The following MTFR1 variants were observed in gnomAD, a reference collection of about 807,000 sequenced individuals.
MTFR1 encodes the protein chondrocyte protein with a poly-proline region.
Under a neutral mutation model 38.8 loss-of-function variants are expected in MTFR1, and 28 were observed. The ratio of observed to expected loss-of-function variants is 0.72; its 90% CI spans 0.53 to 0.99. The LOEUF (loss-of-function observed/expected upper bound fraction) is 0.99. Among genes scored for constraint, MTFR1 ranks in the 50% least tolerant of loss-of-function variants. The pLI, the probability that MTFR1 is intolerant of heterozygous loss-of-function variation, is 0.00. For missense variants in MTFR1, 358 were observed against 395.5 expected, an observed-to-expected ratio of 0.91 and a Z score of 0.81; for synonymous variants, 145 against 137.0, an observed-to-expected ratio of 1.06 and a Z score of -0.41.
chr8:65,690,539 A>G (rs1805244045), intron 3 of MTFR1, among the ~76,000 whole-genome samples: 1 of 151,746 alleles, frequency 6.6e-6, no homozygotes, highest in Non-Finnish European at 1.5e-5. Flanking sequence ...CAACAACAAC[A>G]AAAAAGAAAA....
chr8:65,655,493 A>G (rs1466582131), intron 1 of MTFR1, among the ~76,000 whole-genome samples: 1 of 152,206 alleles, frequency 6.6e-6, no homozygotes, highest in African/African-American at 2.4e-5. Context: ...CATGAGCCAT[A>G]TGGAATATTA....
chr8:65,651,642 C>T (rs1049855020), intron 1 of MTFR1, among the ~76,000 whole-genome samples: 1 of 152,036 alleles, frequency 6.6e-6, no homozygotes, highest in Non-Finnish European at 1.5e-5. Context: ...GTTCTCTACT[C>T]TGTTCCATTG....
chr8:65,709,008 A>G lies in MTFR1; in HGVS notation c.966A>G (p.Lys322=). The G allele has an allele frequency of 1.2e-6, 2 of 1,614,014 alleles. No homozygotes were observed. The highest frequency in any genetic ancestry group is 1.7e-6 in the Non-Finnish European group (2 of 1,179,898). The change falls in exon 8 of 8, where the codon AAA becomes AAG. Residue 322 remains lysine, a synonymous_variant. Transcript: ENST00000262146. ...FGPHMLKPTG[K]MKALIENVSD... is the part of the protein sequence containing the mutation. ...CACACATGTTGAAGCCAACAGGAAA[A>G]ATGAAGGCTTTAATTGAAAATGTAT... is the stretch of plus-strand genomic sequence containing the variant.
chr8:65,745,391 C>A, intron 3 of MTFR1: 1 of 1,452,230 alleles, frequency 6.9e-7, no homozygotes, highest in South Asian at 1.1e-5. Flanking sequence ...TTGAGCAAGT[C>A]AAATTCTTCA....
In MTFR1 at chr8:65,703,419, G is replaced by GTTTTTTTTTTTTT. The variant is rs553260839; in HGVS notation, c.282-1255_282-1243dup. Among the ~76,000 whole-genome samples the GTTTTTTTTTTTTT allele has an allele frequency of 1.6e-4, 8 of 50,954 alleles. 1 individual carries two copies. The highest frequency in any genetic ancestry group is 3.0e-4 in the Admixed American group (1 of 3,300). The allele number at this position is 50,954 out of a possible 152,430, so 33.4% of individuals were successfully genotyped here. On this transcript the variant is annotated intron_variant, in intron 4 of 7. Transcript: ENST00000262146. ...GGTACATCCATGCTTGATGTCTCTGGTTTTTTTTTTTTTTTTTTTTTTTTT... is the reference window on the plus strand; with the variant it reads ...GGTACATCCATGCTTGATGTCTCTGGTTTTTTTTTTTTTTTTTTTTTTTTTTTTTTTTTTTTTT...
At position 65,744,695 on chromosome 8, in the gene MTFR1, C is replaced by T. The variant is rs553363812; in HGVS notation, c.*48+25214C>T. Among the ~76,000 whole-genome samples, 11 of 152,110 alleles carry T rather than the reference C, an allele frequency of 7.2e-5. 1 individual carries two copies. Among genetic ancestry groups the T allele is most frequent in the African/African-American group, 2.7e-4 (11 of 41,484 alleles). On this transcript the variant is annotated intron_variant, in intron 3 of 3. Coordinates refer to the MTFR1 transcript ENST00000521247. ...CATCAGATGTGATTATAAATGGCCA[C>T]AATCTAAAAGAAACCAAAAAATAAA...
chr8:65,653,936 G>T (rs967404983), intron 1 of MTFR1, among the ~76,000 whole-genome samples: 1 of 151,964 alleles, frequency 6.6e-6, no homozygotes, highest in Non-Finnish European at 1.5e-5. Context: ...GTGATGATAT[G>T]CCTATAGTCC....
At chr8:65,697,204 C>T (rs1448120760) in intron 4 of MTFR1, among the ~76,000 whole-genome samples, 2 of 151,076 alleles carry the variant, frequency 1.3e-5, no homozygotes, top group Non-Finnish European at 3.0e-5. Flanking sequence ...AGGCTAGTCT[C>T]GAACTCCTGA....
chr8:65,711,615 A>ATTTG (rs1805950420), downstream of MTFR1, among the ~76,000 whole-genome samples: 1 of 152,064 alleles, frequency 6.6e-6, no homozygotes, highest in African/African-American at 2.4e-5. Flanking sequence ...TATTGATCCT[A>ATTTG]TTTGTTAGGA....
At chr8:65,701,611 G>C (rs1805613862) in intron 4 of MTFR1, among the ~76,000 whole-genome samples, 1 of 152,174 alleles carries the variant, frequency 6.6e-6, no homozygotes, top group South Asian at 2.1e-4. Context: ...TAGGATGCTT[G>C]CAATCTAATG....
chr8:65,745,558 G>T, intron 3 of MTFR1: 2 of 727,404 alleles, frequency 2.7e-6, no homozygotes, highest in Non-Finnish European at 4.8e-6. Context: ...TAAAGAAAAT[G>T]TAAAGTGATT....
intron 1 of MTFR1, among the ~76,000 whole-genome samples, chr8:65,661,428 G>T (rs1357893987): frequency 6.6e-6 from 1 of 152,156 alleles, no homozygotes; most frequent in Non-Finnish European, 1.5e-5. Flanking sequence ...CTTAAGGCCA[G>T]GAGTTCCTGA....
chr8:65,691,835 G>A (rs1255107973), intron 3 of MTFR1, among the ~76,000 whole-genome samples: 2 of 152,062 alleles, frequency 1.3e-5, no homozygotes, highest in African/African-American at 4.8e-5. Flanking sequence ...TATTTTTAAT[G>A]CTACTTTATT....
At chr8:65,772,345 A>C (rs1275541112), downstream of MTFR1, among the ~76,000 whole-genome samples, 1 of 152,232 alleles carries the variant, frequency 6.6e-6, no homozygotes, top group Non-Finnish European at 1.5e-5. Context: ...TTTTAATTCT[A>C]TACAAGGTAG....
At chr8:65,764,986 G>T (rs1454505322) in intron 3 of MTFR1, among the ~76,000 whole-genome samples, 1 of 152,150 alleles carries the variant, frequency 6.6e-6, no homozygotes, top group Admixed American at 6.5e-5. Flanking sequence ...CTAACTGTAG[G>T]AGATACACAG....
At chr8:65,759,549 C>A (rs1448448984) in intron 3 of MTFR1, among the ~76,000 whole-genome samples, 1 of 152,214 alleles carries the variant, frequency 6.6e-6, no homozygotes. Context: ...CTCCCTTCAA[C>A]AAGTACTCTC....
chr8:65,661,473 C>T (rs1014281787), intron 1 of MTFR1, among the ~76,000 whole-genome samples: 1 of 151,958 alleles, frequency 6.6e-6, no homozygotes, highest in African/African-American at 2.4e-5. Flanking sequence ...CTTGTCTCTA[C>T]TAAAAATACA....
At chr8:65,645,689 C>CT (rs55776794) in intron 1 of MTFR1, among the ~76,000 whole-genome samples, 6,402 of 70,494 alleles carry the variant, frequency 0.091, 620 homozygotes, top group Non-Finnish European at 0.14. Context: ...TCACGCCCGG[C>CT]TTTCCCCCCC....
At chr8:65,761,929 G>T (rs571220014) in intron 3 of MTFR1, among the ~76,000 whole-genome samples, 1 of 152,020 alleles carries the variant, frequency 6.6e-6, no homozygotes, top group African/African-American at 2.4e-5. Flanking sequence ...CACCCAAATC[G>T]CATGTTTTCC....
Sources: gnomAD v4.1 joint callset for allele counts (sites outside exome capture counted in the v4.1 genomes callset) on GRCh38, gnomAD v4.1.1 for gene constraint, MANE v1.5 for transcripts, NCBI Gene and HGNC (gene_info 2026-07-23, HGNC 2026-07-21) for gene names.